The following SUN5 variants were observed in gnomAD, a reference collection of about 807,000 sequenced individuals.
SUN5 encodes the protein SUN domain-containing protein 5.
Under a neutral mutation model 53.7 loss-of-function variants are expected in SUN5, and 44 were observed. That is an observed-to-expected ratio of 0.82 (90% CI 0.64 to 1.05). SUN5 has a LOEUF of 1.05. Ranked by LOEUF, SUN5 falls within the 50% of genes least tolerant of loss-of-function variation. The pLI is 0.00. For synonymous variants in SUN5, 166 were observed against 179.8 expected (o/e 0.92, Z 0.62); for missense variants, 433 against 483.8 (o/e 0.90, Z 0.98).
chr20:32,996,719 C>T (rs1412259703), intron 6 of SUN5, among the ~76,000 whole-genome samples: 1 of 151,930 alleles, frequency 6.6e-6, no homozygotes, highest in Non-Finnish European at 1.5e-5. Context: ...TCCACCAACC[C>T]ACCCACCCAC....
intron 12 of SUN5, 82 bp downstream of exon 12, chr20:32,985,017 G>C: frequency 7.1e-7 from 1 of 1,410,838 alleles, no homozygotes; most frequent in South Asian, 1.2e-5. Context: ...GGGATACTGG[G>C]GGATGAAGAG....
intron 3 of SUN5, among the ~76,000 whole-genome samples, chr20:33,001,861 C>A (rs1032755013): frequency 6.6e-6 from 1 of 151,968 alleles, no homozygotes; most frequent in Non-Finnish European, 1.5e-5. Context: ...ACTGTATTGG[C>A]CAGGTTGGTC....
chr20:32,997,171 G>A (rs1286964446), intron 6 of SUN5, among the ~76,000 whole-genome samples: 1 of 152,176 alleles, frequency 6.6e-6, no homozygotes, highest in African/African-American at 2.4e-5. Flanking sequence ...GGAGGGACAG[G>A]CCTTTCAGAT....
chr20:32,994,573 A>G (rs1989791600), intron 8 of SUN5, among the ~76,000 whole-genome samples: 1 of 134,036 alleles, frequency 7.5e-6, no homozygotes, highest in Admixed American at 7.7e-5. Flanking sequence ...AATCAAATGT[A>G]TATCCTAGAA....
intron 10 of SUN5, among the ~76,000 whole-genome samples, chr20:32,986,650 C>T (rs1017207188): frequency 9.9e-5 from 15 of 152,242 alleles, no homozygotes; most frequent in South Asian, 4.2e-4. Context: ...GGACCAGGGG[C>T]GAGCCAGGCT....
At chr20:33,001,080 TA>T in intron 4 of SUN5, 131 bp downstream of exon 4, 1 of 1,051,794 alleles carries the variant, frequency 9.5e-7, no homozygotes. Context: ...GAGTGTTTGA[TA>T]AAAGCCAGGT....
intron 12 of SUN5, among the ~76,000 whole-genome samples, 178 bp from the exon 13 acceptor site, chr20:32,984,127 A>G (rs1000786055): frequency 2.0e-5 from 3 of 152,258 alleles, no homozygotes; most frequent in African/African-American, 7.2e-5. Context: ...CTTACTGAAG[A>G]TGCTGAGGCC....
intron 1 of SUN5, 104 bp downstream of exon 1, chr20:33,004,160 G>T: frequency 7.8e-7 from 1 of 1,281,862 alleles, no homozygotes; most frequent in Non-Finnish European, 1.0e-6. Flanking sequence ...GGCTGTCTCT[G>T]TACAGTACAG....
chr20:32,992,144 G>A (rs1029725231), intron 8 of SUN5, among the ~76,000 whole-genome samples: 1 of 152,174 alleles, frequency 6.6e-6, no homozygotes, highest in African/African-American at 2.4e-5. Context: ...CAATATTCTG[G>A]AAGTTGTCCT....
intron 5 of SUN5, among the ~76,000 whole-genome samples, chr20:32,999,091 T>C (rs931484580): frequency 1.3e-5 from 2 of 152,098 alleles, no homozygotes. Flanking sequence ...AGAGTTAAAC[T>C]ACCACTATTT....
At chr20:32,993,699 C>G (rs1306483753) in intron 8 of SUN5, among the ~76,000 whole-genome samples, 2 of 152,182 alleles carry the variant, frequency 1.3e-5, no homozygotes, top group Non-Finnish European at 2.9e-5. Flanking sequence ...GGCCTTAGAA[C>G]AGTGATTCTC....
chr20:32,998,167 C>T (rs1304175425), intron 5 of SUN5, among the ~76,000 whole-genome samples: 2 of 110,520 alleles, frequency 1.8e-5, no homozygotes, highest in African/African-American at 6.8e-5. Flanking sequence ...GGTGAAACCC[C>T]ATCTCTACAA....
chr20:32,999,273 A>G (rs1253180228), intron 5 of SUN5, among the ~76,000 whole-genome samples: 1 of 152,182 alleles, frequency 6.6e-6, no homozygotes, highest in Admixed American at 6.5e-5. Flanking sequence ...CAAAATTAAG[A>G]AACCCATTTC....
intron 12 of SUN5, 109 bp downstream of exon 12, chr20:32,984,990 T>C: frequency 8.4e-7 from 1 of 1,190,726 alleles, no homozygotes; most frequent in African/African-American, 1.5e-5. Flanking sequence ...AGGTTAGTCA[T>C]GACTGGGCAC....
chr20:33,001,526 C>CTTTCTTTCTTTCTT (rs1990019035), intron 3 of SUN5, among the ~76,000 whole-genome samples: 1 of 129,352 alleles, frequency 7.7e-6, no homozygotes, highest in Non-Finnish European at 1.6e-5. Context: ...TTTCTTCTTT[C>CTTTCTTTCTTTCTT]TTTCTTTCTT....
chr20:32,984,059 GC>G, intron 12 of SUN5, 110 bp from the exon 13 acceptor site: 2 of 1,361,280 alleles, frequency 1.5e-6, no homozygotes, highest in Non-Finnish European at 1.9e-6. Context: ...GAAAACTAAG[GC>G]CCAGACAGGA....
chr20:32,989,181 T>A (rs1989636098), intron 9 of SUN5, among the ~76,000 whole-genome samples: 1 of 152,188 alleles, frequency 6.6e-6, no homozygotes, highest in South Asian at 2.1e-4. Flanking sequence ...CGCCTTGGCC[T>A]CCCAAAGTGC....
At chr20:32,993,413 T>G (rs1348116557) in intron 8 of SUN5, among the ~76,000 whole-genome samples, 28 of 152,226 alleles carry the variant, frequency 1.8e-4, no homozygotes, top group Non-Finnish European at 1.5e-5. Flanking sequence ...GATCTGGGCT[T>G]AGGCCAGACA....
chr20:32,987,845 G>T, intron 9 of SUN5, 70 bp from the exon 10 acceptor site: 2 of 1,271,920 alleles, frequency 1.6e-6, no homozygotes, highest in Non-Finnish European at 1.1e-6. Context: ...CCACTGATGG[G>T]CCCTGACTAT....
Sources: gnomAD v4.1 joint callset for allele counts (sites outside exome capture counted in the v4.1 genomes callset) on GRCh38, gnomAD v4.1.1 for gene constraint, MANE v1.5 for transcripts, NCBI Gene and HGNC (gene_info 2026-07-23, HGNC 2026-07-21) for gene names.